The following GALNT13 variants were observed in gnomAD, a reference collection of about 807,000 sequenced individuals.
GALNT13 encodes the protein UDP-GalNAc:polypeptide N-acetylgalactosaminyltransferase 13.
In GALNT13, 28 loss-of-function variants were observed where a neutral mutation model predicts 64.2. That is an observed-to-expected ratio of 0.44 (90% confidence interval 0.32 to 0.60). The LOEUF (loss-of-function observed/expected upper bound fraction) is 0.60. GALNT13 is among the 20% of genes least tolerant of loss of function. GALNT13 has a pLI of 0.05. For synonymous variants in GALNT13, 214 were observed against 224.6 expected, an observed-to-expected ratio of 0.95 and a Z score of 0.42; for missense variants, 577 against 669.8, an observed-to-expected ratio of 0.86 and a Z score of 1.53.
chr2:154,000,827 A>G (rs1291522722), intron 3 of GALNT13, among the ~76,000 whole-genome samples: 1 of 151,956 alleles, frequency 6.6e-6, no homozygotes, highest in Non-Finnish European at 1.5e-5. Context: ...GCACAGTTTA[A>G]CTGCAGTGTT....
At chr2:153,491,088 T>C in the GALNT13 span, among the ~76,000 whole-genome samples, 2 of 152,130 alleles carry the variant, frequency 1.3e-5, no homozygotes, top group Non-Finnish European at 2.9e-5. Context: ...AATCTATTAA[T>C]ATGGGACATA....
At chr2:154,212,223 G>T (rs1687813255) in intron 4 of GALNT13, among the ~76,000 whole-genome samples, 1 of 151,948 alleles carries the variant, frequency 6.6e-6, no homozygotes, top group Non-Finnish European at 1.5e-5. Context: ...GGGGTAGGGG[G>T]TAGCGTTTTG....
intron 3 of GALNT13, among the ~76,000 whole-genome samples, chr2:154,071,396 T>C (rs921409565): frequency 5.3e-5 from 8 of 152,298 alleles, no homozygotes; most frequent in Admixed American, 2.6e-4. Flanking sequence ...AATCCTAATA[T>C]AGGGTCACAT....
chr2:153,647,597 AG>A, the GALNT13 span, among the ~76,000 whole-genome samples: 2 of 152,164 alleles, frequency 1.3e-5, no homozygotes, highest in Non-Finnish European at 2.9e-5. Context: ...TTATGGTTTT[AG>A]GTCTAACATT....
chr2:153,777,266 C>T, the GALNT13 span, among the ~76,000 whole-genome samples: 1 of 152,078 alleles, frequency 6.6e-6, no homozygotes, highest in Non-Finnish European at 1.5e-5. Context: ...TAAGAAGTCA[C>T]CTCTATTATC....
chr2:153,872,764 C>G (rs67164081), intron 1 of GALNT13, among the ~76,000 whole-genome samples: 2 of 151,804 alleles, frequency 1.3e-5, no homozygotes, highest in East Asian at 3.9e-4. Context: ...CTACTCGACC[C>G]GACACCAGGC....
intron 4 of GALNT13, among the ~76,000 whole-genome samples, chr2:154,168,390 T>G (rs2105691496): frequency 6.6e-6 from 1 of 152,270 alleles, no homozygotes; most frequent in African/African-American, 2.4e-5. Context: ...ACCCACATTA[T>G]GGAAAGTAAT....
At chr2:153,228,474 A>G in the GALNT13 span, among the ~76,000 whole-genome samples, 31 of 152,174 alleles carry the variant, frequency 2.0e-4, no homozygotes, top group Non-Finnish European at 4.0e-4. Context: ...TTCAAATCCA[A>G]TCTAGACTTG....
At chr2:154,327,949 C>A (rs1292329610) in intron 9 of GALNT13, among the ~76,000 whole-genome samples, 3 of 151,954 alleles carry the variant, frequency 2.0e-5, no homozygotes, top group African/African-American at 4.8e-5. Context: ...TTGATTTTCA[C>A]TTTATATTTT....
chr2:154,295,363 T>TATTTATTTATTTATTC (rs1692861035), intron 8 of GALNT13, among the ~76,000 whole-genome samples: 1 of 149,672 alleles, frequency 6.7e-6, no homozygotes, highest in Non-Finnish European at 1.5e-5. Flanking sequence ...TTTATTTATT[T>TATTTATTTATTTATTC]ATTTATTTAT....
chr2:153,379,772 C>T, the GALNT13 span, among the ~76,000 whole-genome samples: 1 of 152,086 alleles, frequency 6.6e-6, no homozygotes, highest in Non-Finnish European at 1.5e-5. Flanking sequence ...TTTACATACA[C>T]TCATTCAGTA....
chr2:154,047,639 A>T (rs1016509072), intron 3 of GALNT13, among the ~76,000 whole-genome samples: 1 of 152,188 alleles, frequency 6.6e-6, no homozygotes, highest in African/African-American at 2.4e-5. Context: ...TTCATCGTAA[A>T]TGCTCCCTAC....
the GALNT13 span, among the ~76,000 whole-genome samples, chr2:153,105,991 C>T: frequency 6.6e-6 from 1 of 152,128 alleles, no homozygotes; most frequent in Non-Finnish European, 1.5e-5. Flanking sequence ...ATCCATAGAG[C>T]TGTCAAGTCT....
chr2:153,295,733 C>T, the GALNT13 span, among the ~76,000 whole-genome samples: 15 of 152,246 alleles, frequency 9.9e-5, 1 homozygote, highest in Middle Eastern at 0.01. Flanking sequence ...GGGAGTTTCT[C>T]TGTGAGAAAT....
At chr2:154,071,798 G>A (rs1171055806) in intron 3 of GALNT13, among the ~76,000 whole-genome samples, 1 of 152,036 alleles carries the variant, frequency 6.6e-6, no homozygotes, top group East Asian at 1.9e-4. Context: ...TTAGTGCCAA[G>A]AGCTTTGAAT....
chr2:154,251,825 G>A (rs1160121108), intron 7 of GALNT13, among the ~76,000 whole-genome samples: 1 of 151,952 alleles, frequency 6.6e-6, no homozygotes, highest in African/African-American at 2.4e-5. Flanking sequence ...TGGTTATAGT[G>A]CATAGAATAA....
the GALNT13 span, among the ~76,000 whole-genome samples, chr2:153,566,887 A>G: frequency 6.6e-6 from 1 of 152,186 alleles, no homozygotes; most frequent in Admixed American, 6.5e-5. Flanking sequence ...TAACAACCCT[A>G]TGGAGTCAAC....
At chr2:153,112,003 T>G in the GALNT13 span, among the ~76,000 whole-genome samples, 1 of 152,078 alleles carries the variant, frequency 6.6e-6, no homozygotes, top group East Asian at 1.9e-4. Context: ...GGATATGAAT[T>G]TACCCCCTCT....
the GALNT13 span, among the ~76,000 whole-genome samples, chr2:153,118,538 T>A: frequency 6.6e-6 from 1 of 152,008 alleles, no homozygotes; most frequent in Non-Finnish European, 1.5e-5. Flanking sequence ...ATTATTAGCC[T>A]TTTTTTTACT....
Sources: gnomAD v4.1 joint callset for allele counts (sites outside exome capture counted in the v4.1 genomes callset) on GRCh38, gnomAD v4.1.1 for gene constraint, MANE v1.5 for transcripts, NCBI Gene and HGNC (gene_info 2026-07-23, HGNC 2026-07-21) for gene names.